The following ACIN1 variants were observed in gnomAD, a reference collection of about 807,000 sequenced individuals.
The protein encoded by ACIN1 is apoptotic chromatin condensation inducer 1, also known as apoptotic chromatin condensation inducer in the nucleus.
Under a neutral mutation model 146.6 loss-of-function variants are expected in ACIN1, and 16 were observed. The ratio of observed to expected loss-of-function variants is 0.11; its 90% CI spans 0.07 to 0.17. The LOEUF is 0.17. Among genes scored for constraint, ACIN1 ranks in the 10% least tolerant of loss-of-function variants. The pLI is 1.00. For synonymous variants in ACIN1, 569 were observed against 582.7 expected (o/e 0.98, Z 0.34); for missense variants, 1,357 against 1,609.3 (o/e 0.84, Z 2.68).
In ACIN1 at chr14:23,065,383, C is replaced by T. The variant is rs529942432; in HGVS notation, c.2308+583G>A. Among the ~76,000 whole-genome samples, 7 of 152,304 alleles carry T rather than the reference C, an allele frequency of 4.6e-5. No individual in the cohort carries two copies. The South Asian group carries it at 1.4e-3, about 32-fold the overall frequency. On this transcript the variant is annotated intron_variant, in intron 10 of 18. Transcript: ENST00000605057. ...CAGGCGGATCACAAGGTCAGGAGTT[C>T]AAGACCAGCCTGTCCAACATGGGGA... is the stretch of plus-strand genomic sequence containing the variant.
At chr14:23,064,888 C>G (rs2047400611) in intron 10 of ACIN1, among the ~76,000 whole-genome samples, 1 of 104,508 alleles carries the variant, frequency 9.6e-6, no homozygotes, top group Non-Finnish European at 1.8e-5. Flanking sequence ...CAGAGCAAGA[C>G]TCCGTCTCAA....
At chr14:23,088,643 G>A (rs962496761) in intron 4 of ACIN1, among the ~76,000 whole-genome samples, 1 of 136,094 alleles carries the variant, frequency 7.3e-6, no homozygotes, top group South Asian at 2.7e-4. Context: ...GGTGGATTCC[G>A]CATCCCCCTC....
At chr14:23,087,548 A>G (rs2048119560) in intron 4 of ACIN1, among the ~76,000 whole-genome samples, 1 of 149,100 alleles carries the variant, frequency 6.7e-6, no homozygotes, top group South Asian at 2.1e-4. Flanking sequence ...GGCTACCCTT[A>G]CTCTAAATCT....
chr14:23,064,386 G>T lies in ACIN1; in HGVS notation c.2411C>A (p.Pro804His). 1 of 1,614,270 alleles carries T rather than the reference G, an allele frequency of 6.2e-7. No homozygotes were observed. The highest frequency in any genetic ancestry group is 8.5e-7 in the Non-Finnish European group (1 of 1,180,048). Reference sequence around the variant, plus strand: ...TGATTCAGTGGTGATACTGATGGAAGGTTTCTTCTGTGTGGTGGCTGTGCT... The same window carrying T: ...TGATTCAGTGGTGATACTGATGGAATGTTTCTTCTGTGTGGTGGCTGTGCT... ...GASTATTQKK[P>H]SISITTESLK... The change falls in exon 11 of 19, where the codon CCT becomes CAT. Residue 804 changes from proline (P) to histidine (H), a missense_variant. Pro to His is a moderately conservative substitution (Grantham distance 77). Transcript: ENST00000605057.
chr14:23,059,103 C>T lies in ACIN1; in HGVS notation c.*45G>A, dbSNP rs2047183937. On this transcript the variant is annotated 3_prime_UTR_variant, in exon 19 of 19. Transcript: ENST00000605057. ...GCCTATCCCTCTGTGGCCATAACCC[C>T]CTGGGGCCGAGTGGCTGGTACCTGC... 2 of 1,592,286 alleles carry T rather than the reference C, an allele frequency of 1.3e-6. No homozygotes were observed. The highest frequency in any genetic ancestry group is 1.7e-5 in the Admixed American group (1 of 59,466).
At chr14:23,062,611 A>G in intron 14 of ACIN1, 88 bp from the exon 15 acceptor site, 1 of 1,297,948 alleles carries the variant, frequency 7.7e-7, no homozygotes, top group East Asian at 2.3e-5. Flanking sequence ...TCACAGGAGT[A>G]TAGTTTCAAG....
chr14:23,095,226 G>C (rs767376122), upstream of ACIN1: 3 of 1,613,380 alleles, frequency 1.9e-6, no homozygotes, highest in South Asian at 2.2e-5. Context: ...TCTACCCCTC[G>C]ATTACCACTC....
chr14:23,061,142 A>G lies in ACIN1; in HGVS notation c.3467T>C (p.Leu1156Pro). ...GGGAGCTGCCTTGGTCTTTCGGAAA[A>G]GGTCATCCAGCAGCTTGGCAGGTGG... ...EEPPAKLLDD[L>P]FRKTKAAPCI... Residue 1156 changes from leucine (L) to proline (P), a missense_variant, in exon 18 of 19, where the codon CTT becomes CCT. Around this residue, in one of 4 missense-constraint regions of ACIN1, gnomAD observed 509 missense variants for 719.6 expected, o/e 0.71. Transcript: ENST00000605057. 6.2e-7 allele frequency: 1 copy of G among 1,614,108 alleles called. No homozygotes were observed. Among genetic ancestry groups the G allele is most frequent in the South Asian group, 1.1e-5 (1 of 91,070 alleles).
intron 8 of ACIN1, 35 bp from the exon 9 acceptor site, chr14:23,069,652 G>GGGGGGGGCC: frequency 3.5e-6 from 2 of 577,920 alleles, no homozygotes; most frequent in Admixed American, 2.1e-5. Flanking sequence ...GGGGGGGCGG[G>GGGGGGGGCC]CAGAAAAGAA....
intron 2 of ACIN1, among the ~76,000 whole-genome samples, chr14:23,091,724 A>C (rs2048234631): frequency 6.6e-6 from 1 of 151,880 alleles, no homozygotes; most frequent in African/African-American, 2.4e-5. Flanking sequence ...CCTGGGTTCA[A>C]GACATTCTCC....
Position 23,078,709 on chromosome 14 carries a change from A to G in ACIN1, c.2007+111T>C, listed in dbSNP as rs2047864289. On this transcript the variant is annotated intron_variant, in intron 7 of 18. Transcript: ENST00000605057. ...AGCAGGATTAACAGGTATCCACCAC[A>G]TTTCTACTGAACCTTGTCCAGACTT... The G allele has an allele frequency of 2.5e-6, 3 of 1,181,518 alleles. No homozygotes were observed. The East Asian group carries it at 7.7e-5, about 30-fold the overall frequency. 73.2% of individuals were successfully genotyped at this position (1,181,518 alleles called of 1,614,324 possible).
At chr14:23,086,451 G>A (rs1177305927) in intron 4 of ACIN1, among the ~76,000 whole-genome samples, 1 of 152,186 alleles carries the variant, frequency 6.6e-6, no homozygotes, top group Non-Finnish European at 1.5e-5. Context: ...TGGATAATGA[G>A]TCCTAACACC....
chr14:23,080,701 C>G lies in ACIN1; in HGVS notation c.634G>C (p.Glu212Gln). ...RVRADRNLKT[E>Q]EEEEEEEEEE... ...TCCTCCTCCTCCTCTTCTTCCTCCT[C>G]TGTTTTCAAATTTCGATCTGCTCTG... is the stretch of plus-strand genomic sequence containing the variant. The change falls in exon 6 of 19, where the codon GAG becomes CAG. Residue 212 changes from glutamate (E) to glutamine (Q), a missense_variant. Transcript: ENST00000605057. 6.2e-7 allele frequency: 1 copy of G among 1,613,970 alleles called. No homozygotes were observed. The highest frequency in any genetic ancestry group is 8.5e-7 in the Non-Finnish European group (1 of 1,179,998).
At chr14:23,091,874 T>C (rs1047784745) in intron 2 of ACIN1, among the ~76,000 whole-genome samples, 3 of 152,218 alleles carry the variant, frequency 2.0e-5, no homozygotes, top group African/African-American at 7.2e-5. Context: ...TCTACCCGCC[T>C]TGGCCTCCCA....
intron 1 of ACIN1, chr14:23,094,612 G>C: frequency 1.1e-6 from 1 of 875,480 alleles, no homozygotes; most frequent in Non-Finnish European, 1.4e-6. Context: ...AGCCCAACTC[G>C]CCCCCCTCAG....
At chr14:23,069,387 A>G in intron 9 of ACIN1, 89 bp downstream of exon 9, 2 of 1,495,496 alleles carry the variant, frequency 1.3e-6, no homozygotes, top group Non-Finnish European at 1.8e-6. Flanking sequence ...AAGTTAACCC[A>G]CCGTGTAAGA....
chr14:23,064,572 G>C, intron 10 of ACIN1, 84 bp from the exon 11 acceptor site: 1 of 1,530,736 alleles, frequency 6.5e-7, no homozygotes, highest in Non-Finnish European at 8.8e-7. Context: ...GTTACCTCTG[G>C]CTGGAGTTTT....
rs1470030105 is a variant in ACIN1 at position 23,079,804 on chromosome 14, T to C, written c.1531A>G (p.Arg511Gly). ...GATGAATCAGCTGACTGTTTCAATC[T>C]GTGGCTTGGGAGAAGGGTATGAGAA... The part of the protein sequence containing the change: ...RASHTLLPSH[R>G]LKQSADSSSS... The change falls in exon 6 of 19, where the codon AGA (arginine) becomes GGA (glycine). Residue 511 changes from arginine (R) to glycine (G), a missense_variant. By Grantham distance (125) the Arg-to-Gly change is moderately radical. Around this residue, in one of 4 missense-constraint regions of ACIN1, gnomAD observed 771 missense variants for 746.6 expected, o/e 1.03. Coordinates refer to ENST00000605057, the MANE Select transcript of ACIN1 (RefSeq NM_001386863.1). 1.2e-6 allele frequency: 2 copies of C among 1,614,190 alleles called. No homozygotes were observed. Among genetic ancestry groups the C allele is most frequent in the South Asian group, 2.2e-5 (2 of 91,082 alleles).
At chr14:23,093,573 A>C in intron 1 of ACIN1, 29 bp from the exon 2 acceptor site, 7 of 1,597,626 alleles carry the variant, frequency 4.4e-6, no homozygotes, top group Non-Finnish European at 6.0e-6. Context: ...AAAGTCAGAA[A>C]TGATGAGGAA....
Sources: allele counts gnomAD v4.1 joint callset (sites outside exome capture counted in the v4.1 genomes callset), GRCh38; gene constraint gnomAD v4.1.1; regional missense constraint gnomAD v4.1.1; transcripts MANE v1.5; gene names NCBI Gene and HGNC (gene_info 2026-07-23, HGNC 2026-07-21).